Variants in PCNX4 observed in about 807,000 individuals in gnomAD.
The protein encoded by PCNX4 is pecanex-like protein 4.
In PCNX4, 103 loss-of-function variants were observed where a neutral mutation model predicts 107.2. That is an observed-to-expected ratio of 0.96 (90% CI 0.82 to 1.13). The LOEUF (loss-of-function observed/expected upper bound fraction) is 1.13, where lower values mean the gene tolerates loss of function less well. Ranked by LOEUF, PCNX4 falls within the 50% of genes most tolerant of loss-of-function variation. PCNX4 has a pLI of 0.00. For missense variants in PCNX4, 1,528 were observed against 1,379.4 expected, an observed-to-expected ratio of 1.11 and a Z score of -1.71; for synonymous variants, 541 against 481.7, an observed-to-expected ratio of 1.12 and a Z score of -1.61.
intron 1 of PCNX4, among the ~76,000 whole-genome samples, chr14:60,105,564 T>C (rs1488462821): frequency 6.6e-6 from 1 of 152,122 alleles, no homozygotes. Flanking sequence ...ATGGAATCAG[T>C]AGGGTGTTTA....
intron 10 of PCNX4, chr14:60,126,173 C>T (rs1194561953): frequency 6.4e-6 from 1 of 156,948 alleles, no homozygotes; most frequent in Non-Finnish European, 1.4e-5. Flanking sequence ...GATTTGACTC[C>T]TAGAAAAATT....
At position 60,124,748 on chromosome 14, in the gene PCNX4, ACAGAG is replaced by A. The variant is rs776533901; in HGVS notation, c.2578_2582del (p.Gln860GlyfsTer3). The A allele has an allele frequency of 6.2e-7, 1 of 1,613,196 alleles. No homozygotes were observed. The highest frequency in any genetic ancestry group is 8.5e-7 in the Non-Finnish European group (1 of 1,179,788). Reference sequence around the variant, plus strand: ...TGTTTATTCCAGGATCAGTAGAATCACAGAGGGTTGGTGATCATTCTACAGGCACT... The same window carrying A: ...TGTTTATTCCAGGATCAGTAGAATCAGGTTGGTGATCATTCTACAGGCACT... On this transcript the variant is annotated frameshift_variant, in exon 9 of 11. Transcript: ENST00000406854. LOFTEE classifies it high-confidence loss of function.
In PCNX4 at chr14:60,145,427, A is replaced by T. The variant is rs1249891855; in HGVS notation, c.*11206A>T. The T allele has an allele frequency of 6.5e-6, 1 of 152,798 alleles. No homozygotes were observed. The highest frequency in any genetic ancestry group is 1.9e-4 in the East Asian group (1 of 5,232). 9.5% of individuals were successfully genotyped at this position (152,798 alleles called of 1,614,324 possible). On this transcript the variant is annotated 3_prime_UTR_variant, in exon 11 of 11. Transcript: ENST00000406854. This position sits in a 1 kb window ranked among gnomAD's most constrained non-coding sequence, Gnocchi z 4.0. ...GGCAGGCACTGTGGCTCATGCCTGTAATCCCAGCACTTTGGGAGGCCGAGG... is the reference window on the plus strand; with the variant it reads ...GGCAGGCACTGTGGCTCATGCCTGTTATCCCAGCACTTTGGGAGGCCGAGG...
Position 60,125,259 on chromosome 14 carries a change from A to G in PCNX4, c.3080+8A>G. 2 of 1,528,904 alleles carry G rather than the reference A, an allele frequency of 1.3e-6. No individual in the cohort carries two copies. Among genetic ancestry groups the G allele is most frequent in the South Asian group, 2.6e-5 (2 of 76,412 alleles). The allele number at this position is 1,528,904 out of a possible 1,614,324, so 94.7% of individuals were successfully genotyped here. ...AGCACTGAAAGCATTCAGGTAATCC[A>G]TTTTGATCATATGTAAGTTATAACA... On this transcript the variant is annotated splice_region_variant and intron_variant, in intron 9 of 10. Transcript: ENST00000406854.
Position 60,125,354 on chromosome 14 carries a change from A to T in PCNX4, c.3080+103A>T. 4 of 1,222,168 alleles carry T rather than the reference A, an allele frequency of 3.3e-6. No individual in the cohort carries two copies. The South Asian group carries it at 7.8e-5, about 24-fold the overall frequency. The allele number at this position is 1,222,168 out of a possible 1,614,324, so 75.7% of individuals were successfully genotyped here. A position where few individuals can be genotyped will look rare whatever the true frequency, so the allele number is the denominator to read the frequency against. On this transcript the variant is annotated intron_variant, in intron 9 of 10. Coordinates refer to ENST00000406854, the MANE Select transcript of PCNX4 (RefSeq NM_001330177.2). ...AGTTATTCGTTTCTAGTTTTTTAAA[A>T]TTTACTTTCTTCAAAATGAAAAAAA...
chr14:60,092,556 A>C (rs544846331), intron 1 of PCNX4, 137 bp downstream of exon 1: 1 of 152,376 alleles, frequency 6.6e-6, no homozygotes, highest in Non-Finnish European at 1.5e-5. Context: ...CAAAACCTTT[A>C]AGTGCAATTA....
rs142499040 is a variant in PCNX4 at position 60,092,882 on chromosome 14, G to A, written c.-54+463G>A. Among the ~76,000 whole-genome samples the A allele has an allele frequency of 3.9e-5, 6 of 152,286 alleles. No homozygotes were observed. The East Asian group carries it at 1.2e-3, about 29-fold the overall frequency. On this transcript the variant is annotated intron_variant, in intron 1 of 10. Transcript: ENST00000406854. Reference sequence around the variant, plus strand: ...GGACCAGAATTTACTCCAGTGAATCGGAAGTTGTTTTCCATGCCGCTGAAT... The same window carrying A: ...GGACCAGAATTTACTCCAGTGAATCAGAAGTTGTTTTCCATGCCGCTGAAT...
In PCNX4 at chr14:60,143,997, A is replaced by G. The variant is rs1016046194; in HGVS notation, c.*9776A>G. The G allele has an allele frequency of 3.3e-5, 5 of 152,234 alleles. No homozygotes were observed. Among genetic ancestry groups the G allele is most frequent in the African/African-American group, 1.2e-4 (5 of 41,458 alleles). The allele number at this position is 152,234 out of a possible 1,614,324, so 9.4% of individuals were successfully genotyped here. Reference sequence around the variant, plus strand: ...GGCTTTACCCCTTACTAGCTTTGTGACCTTGACCTTGGAAAAGTAAAACCT... The same window carrying G: ...GGCTTTACCCCTTACTAGCTTTGTGGCCTTGACCTTGGAAAAGTAAAACCT... On this transcript the variant is annotated 3_prime_UTR_variant, in exon 11 of 11. Transcript: ENST00000406854.
In PCNX4 at chr14:60,125,237, A is replaced by C; in HGVS notation, c.3066A>C (p.Ala1022=). ...AAAAGCCAGAACTGTTTCAACTAGC[A>C]CTGAAAGCATTCAGGTAATCCATTT... ...LTEKPELFQL[A]LKAFRYTLKL... The change falls in exon 9 of 11, where the codon GCA becomes GCC. Residue 1022 remains alanine (A), a synonymous_variant. Transcript: ENST00000406854. 1 of 1,569,060 alleles carries C rather than the reference A, an allele frequency of 6.4e-7. No homozygotes were observed. Among genetic ancestry groups the C allele is most frequent in the Non-Finnish European group, 8.6e-7 (1 of 1,161,534 alleles).
rs373164820 is a variant in PCNX4, at chr14:60,114,878, C to T, written c.868C>T (p.Arg290Trp). 1.0e-5 allele frequency: 16 copies of T among 1,595,260 alleles called. 1 individual carries two copies. The highest frequency in any genetic ancestry group is 4.6e-5 in the South Asian group (4 of 86,912). ...LGGSSMSTHL[R>W]LLVMFIMSAG... ...AGGCTCATCTATGTCAACCCACTTA[C>T]GGTATTTATTTTTAAATATTGATGT... The change falls in exon 3 of 11, where the codon CGG (arginine) becomes TGG (tryptophan). Residue 290 changes from arginine to tryptophan, a missense_variant and splice_region_variant. Transcript: ENST00000406854.
chr14:60,120,582 A>G (rs955529170), intron 7 of PCNX4, among the ~76,000 whole-genome samples: 40 of 152,214 alleles, frequency 2.6e-4, no homozygotes, highest in Non-Finnish European at 4.3e-4. Flanking sequence ...ATTATTTACA[A>G]TAGTGAAAAG....
intron 6 of PCNX4, 140 bp downstream of exon 6, chr14:60,116,200 C>G (rs945458031): frequency 3.6e-6 from 3 of 823,692 alleles, no homozygotes; most frequent in Non-Finnish European, 5.4e-6. Flanking sequence ...AAAGAAACCT[C>G]AACTGTTATT....
chr14:60,095,096 C>G (rs1895397549), intron 1 of PCNX4, among the ~76,000 whole-genome samples: 1 of 151,942 alleles, frequency 6.6e-6, no homozygotes, highest in African/African-American at 2.4e-5. Flanking sequence ...AAGGACGTGC[C>G]CGGGAGGCAA....
At chr14:60,127,037 A>G (rs1896067899) in intron 10 of PCNX4, among the ~76,000 whole-genome samples, 1 of 152,208 alleles carries the variant, frequency 6.6e-6, no homozygotes, top group Non-Finnish European at 1.5e-5. Context: ...AACAACAACA[A>G]AAGCTCTGAA....
chr14:60,143,903 T>TA lies in PCNX4; in HGVS notation c.*9685dup, dbSNP rs776397160. ...TTTTCTGCTGTAAGGTGTTAAATGT[T>TA]AAAGTAAAATTAATAATAGTAGAAG... On this transcript the variant is annotated 3_prime_UTR_variant, in exon 11 of 11. Transcript: ENST00000406854. 1.3e-5 allele frequency: 2 copies of TA among 152,248 alleles called. No individual in the cohort carries two copies. The highest frequency in any genetic ancestry group is 6.5e-5 in the Admixed American group (1 of 15,284). 9.4% of individuals were successfully genotyped at this position (152,248 alleles called of 1,614,324 possible).
In PCNX4 at chr14:60,125,697, A is replaced by G. The variant is rs144212616; in HGVS notation, c.3141A>G (p.Glu1047=). The G allele has an allele frequency of 6.4e-5, 103 of 1,601,634 alleles. 1 individual carries two copies. In the African/African-American group the frequency reaches 1.2e-3, roughly 18 times the overall value. Residue 1047 remains glutamate (E), a synonymous_variant, in exon 10 of 11, where the codon GAA becomes GAG. Coordinates refer to ENST00000406854, the MANE Select transcript of PCNX4 (RefSeq NM_001330177.2). ...ASLGPIEDFR[E]LIKYLEEYER... Reference sequence around the variant, plus strand: ...TAGGTCCAATAGAAGACTTTAGAGAACTGATTAAGTACCTTGAAGAATATG... The same window carrying G: ...TAGGTCCAATAGAAGACTTTAGAGAGCTGATTAAGTACCTTGAAGAATATG...
chr14:60,096,926 C>T (rs1331479793), intron 1 of PCNX4, among the ~76,000 whole-genome samples: 2 of 152,190 alleles, frequency 1.3e-5, no homozygotes, highest in Non-Finnish European at 2.9e-5. Flanking sequence ...ACCAGTCCTA[C>T]CATGACTTGT....
intron 1 of PCNX4, among the ~76,000 whole-genome samples, chr14:60,093,602 GGTT>G (rs1228580058): frequency 2.0e-5 from 3 of 152,084 alleles, no homozygotes; most frequent in Admixed American, 1.3e-4. Flanking sequence ...TGGACATTTG[GGTT>G]GTTTTCATTT....
At chr14:60,120,763 T>A (rs1895938462) in intron 7 of PCNX4, among the ~76,000 whole-genome samples, 1 of 152,194 alleles carries the variant, frequency 6.6e-6, no homozygotes, top group Admixed American at 6.5e-5. Flanking sequence ...AGTATTTGTA[T>A]GGTATGTAGC....
Sources: allele counts gnomAD v4.1 joint callset (sites outside exome capture counted in the v4.1 genomes callset), GRCh38; gene constraint gnomAD v4.1.1; non-coding constraint Gnocchi (gnomAD v3.1); transcripts MANE v1.5; gene names NCBI Gene and HGNC (gene_info 2026-07-23, HGNC 2026-07-21).